The following WBP1L variants were observed in gnomAD, a reference collection of about 807,000 sequenced individuals.
The protein encoded by WBP1L is WW domain binding protein 1-like.
WBP1L carries 17 observed loss-of-function variants against 33.7 expected under a neutral mutation model. The ratio of observed to expected loss-of-function variants is 0.50; its 90% CI spans 0.34 to 0.76. The LOEUF is 0.76. Among genes scored for constraint, WBP1L ranks in the 30% least tolerant of loss-of-function variants. WBP1L has a pLI of 0.01. For synonymous variants in WBP1L, 173 were observed against 190.8 expected (o/e 0.91, Z 0.77); for missense variants, 389 against 469.4 (o/e 0.83, Z 1.58).
At chr10:102,753,602 C>T (rs1402179048) in intron 1 of WBP1L, among the ~76,000 whole-genome samples, 1 of 152,180 alleles carries the variant, frequency 6.6e-6, no homozygotes, top group Non-Finnish European at 1.5e-5. Context: ...ATTCCCATAG[C>T]TCTGATTTAT....
At chr10:102,753,995 A>G (rs1016044855) in intron 1 of WBP1L, among the ~76,000 whole-genome samples, 4 of 152,218 alleles carry the variant, frequency 2.6e-5, no homozygotes, top group African/African-American at 9.6e-5. Context: ...TTGGTTTGCC[A>G]TTTCCTAATT....
intron 2 of WBP1L, among the ~76,000 whole-genome samples, chr10:102,807,357 C>CAT (rs1343174460): frequency 1.3e-5 from 2 of 152,008 alleles, no homozygotes; most frequent in African/African-American, 4.8e-5. Flanking sequence ...GCTTCCTGAC[C>CAT]ATACCCCTCC....
At position 102,811,217 on chromosome 10, in the gene WBP1L, C is replaced by T. The variant is rs138850581; in HGVS notation, c.355+1163C>T. ...ATTTGAGGTCAGGAGTCAGTTATAA[C>T]GTGAGTGAATTGAGACTTGGGGTTC... On this transcript the variant is annotated intron_variant, in intron 3 of 3. Transcript: ENST00000448841. 2.4e-3 allele frequency among the ~76,000 whole-genome samples: 372 copies of T among 152,034 alleles called. 2 individuals are homozygous for T. Among genetic ancestry groups the T allele is most frequent in the African/African-American group, 8.4e-3 (349 of 41,474 alleles).
At chr10:102,772,329 C>A (rs1192300829) in intron 1 of WBP1L, among the ~76,000 whole-genome samples, 1 of 131,348 alleles carries the variant, frequency 7.6e-6, no homozygotes, top group African/African-American at 2.9e-5. Flanking sequence ...GGCATGATCT[C>A]AGCTCACTGC....
intron 2 of WBP1L, among the ~76,000 whole-genome samples, chr10:102,808,365 A>T (rs979276272): frequency 1.4e-5 from 2 of 147,662 alleles, no homozygotes; most frequent in Admixed American, 6.7e-5. Context: ...CTCATTAATT[A>T]AAAAAAAAAT....
intron 1 of WBP1L, among the ~76,000 whole-genome samples, chr10:102,795,804 C>T (rs1282501857): frequency 1.3e-5 from 2 of 152,202 alleles, no homozygotes; most frequent in East Asian, 1.9e-4. Flanking sequence ...GAGAAACTTT[C>T]TGATGTTTTT....
chr10:102,781,283 A>G (rs1265875346), intron 1 of WBP1L, among the ~76,000 whole-genome samples: 1 of 152,178 alleles, frequency 6.6e-6, no homozygotes, highest in African/African-American at 2.4e-5. Flanking sequence ...AAGGGGGGGA[A>G]TTGCCGGCTT....
chr10:102,749,788 A>T (rs867653782), intron 1 of WBP1L, among the ~76,000 whole-genome samples: 70 of 151,224 alleles, frequency 4.6e-4, no homozygotes, highest in Admixed American at 1.6e-3. Context: ...TTATTTATTT[A>T]TTTTTTGAGA....
intron 1 of WBP1L, among the ~76,000 whole-genome samples, chr10:102,779,809 G>T (rs1378198090): frequency 6.6e-6 from 1 of 152,244 alleles, no homozygotes; most frequent in Non-Finnish European, 1.5e-5. Context: ...GAGCGTGGGG[G>T]CAGGTATCTG....
At chr10:102,804,798 T>C (rs559438967) in intron 2 of WBP1L, among the ~76,000 whole-genome samples, 1 of 152,254 alleles carries the variant, frequency 6.6e-6, no homozygotes, top group South Asian at 2.1e-4. Context: ...AAGTGACATA[T>C]ATCACATCCA....
chr10:102,806,315 T>C lies in WBP1L; in HGVS notation c.194-3578T>C, dbSNP rs757990250. Among the ~76,000 whole-genome samples, 111 of 151,714 alleles carry C rather than the reference T, an allele frequency of 7.3e-4. 5 individuals are homozygous for C. The highest frequency in any genetic ancestry group is 2.4e-4 in the Non-Finnish European group (16 of 67,942). The stretch of plus-strand genomic sequence containing the variant: ...ACTGAGAAAGTAAGAGAAGTATAGG[T>C]AATACAAAATGGTTGTCAGCCCAGA... On this transcript the variant is annotated intron_variant, in intron 2 of 3. Transcript: ENST00000448841.
intron 1 of WBP1L, among the ~76,000 whole-genome samples, chr10:102,769,190 G>T (rs1327690054): frequency 1.3e-5 from 2 of 152,102 alleles, no homozygotes; most frequent in Non-Finnish European, 2.9e-5. Flanking sequence ...TCCCTATGTT[G>T]CTCAGGCTGG....
intron 1 of WBP1L, 47 bp from the exon 2 acceptor site, chr10:102,797,946 T>C (rs1267442307): frequency 1.3e-6 from 2 of 1,542,158 alleles, no homozygotes; most frequent in African/African-American, 2.7e-5. Context: ...AGGAAAGTGT[T>C]CAAAAGCTGT....
intron 1 of WBP1L, among the ~76,000 whole-genome samples, chr10:102,775,698 G>A (rs142138093): frequency 1.2e-3 from 186 of 152,184 alleles, no homozygotes; most frequent in African/African-American, 3.9e-3. Flanking sequence ...CCCCCGCTGC[G>A]AATTGCCTCA....
intron 1 of WBP1L, among the ~76,000 whole-genome samples, chr10:102,777,437 C>G (rs889108582): frequency 7.9e-5 from 12 of 152,190 alleles, no homozygotes; most frequent in African/African-American, 2.9e-4. Flanking sequence ...AAGGAAGCTC[C>G]TCTGAAAAGC....
At chr10:102,808,043 G>A (rs948346803) in intron 2 of WBP1L, among the ~76,000 whole-genome samples, 1 of 151,986 alleles carries the variant, frequency 6.6e-6, no homozygotes, top group Non-Finnish European at 1.5e-5. Context: ...GCCAGGCATG[G>A]TGGCATATGC....
chr10:102,781,934 C>T (rs1174855257), intron 1 of WBP1L, among the ~76,000 whole-genome samples: 1 of 151,934 alleles, frequency 6.6e-6, no homozygotes, highest in East Asian at 1.9e-4. Flanking sequence ...AGTGCAGTGG[C>T]GCCATCTTGG....
chr10:102,745,492 C>A (rs576276404), intron 1 of WBP1L, among the ~76,000 whole-genome samples: 5 of 152,142 alleles, frequency 3.3e-5, no homozygotes, highest in African/African-American at 1.2e-4. Context: ...GGCAACCACC[C>A]GTCTGCTTTC....
At chr10:102,778,059 G>A (rs1179949073) in intron 1 of WBP1L, among the ~76,000 whole-genome samples, 2 of 152,324 alleles carry the variant, frequency 1.3e-5, no homozygotes, top group African/African-American at 2.4e-5. Context: ...CTTCCCTGAG[G>A]TCTTGGGCAG....
Sources: gnomAD v4.1 joint callset for allele counts (sites outside exome capture counted in the v4.1 genomes callset) on GRCh38, gnomAD v4.1.1 for gene constraint, MANE v1.5 for transcripts, NCBI Gene and HGNC (gene_info 2026-07-23, HGNC 2026-07-21) for gene names.